Variants in MTR observed in about 807,000 individuals in gnomAD.
The protein encoded by MTR is methionine synthase.
In MTR, 84 loss-of-function variants were observed where a neutral mutation model predicts 154.8. That is an observed-to-expected ratio of 0.54 (90% CI 0.45 to 0.65). The LOEUF (loss-of-function observed/expected upper bound fraction) is 0.65, where lower values mean the gene tolerates loss of function less well. MTR is among the 30% of genes least tolerant of loss of function. The pLI, the probability that MTR is intolerant of heterozygous loss-of-function variation, is 0.00. For missense variants in MTR, 1,275 were observed against 1,570.2 expected (o/e 0.81, Z 3.18); for synonymous variants, 554 against 553.9 (o/e 1.00, Z 0.00).
rs75620945 is a variant in MTR, at chr1:236,828,383, C to G, written c.996-806C>G. The stretch of plus-strand genomic sequence containing the variant: ...ACTATTTCTTTTTGTTTTGTTTCCT[C>G]TTTAAAAAGAGGAGTTGTTTTAAAT... On this transcript the variant is annotated intron_variant, in intron 11 of 32. Transcript: ENST00000366577. Among the ~76,000 whole-genome samples the G allele has an allele frequency of 1.2e-3, 189 of 152,226 alleles. 5 individuals carry two copies. In the East Asian group the frequency reaches 0.033, roughly 27 times the overall value.
At chr1:236,888,961 G>A (rs1167902496) in intron 27 of MTR, among the ~76,000 whole-genome samples, 4 of 152,220 alleles carry the variant, frequency 2.6e-5, no homozygotes, top group Non-Finnish European at 5.9e-5. Context: ...CAAGGGTGGT[G>A]TAGTCAGCTG....
intron 15 of MTR, among the ~76,000 whole-genome samples, chr1:236,842,288 G>A (rs1334182298): frequency 6.6e-6 from 1 of 152,158 alleles, no homozygotes; most frequent in Non-Finnish European, 1.5e-5. Flanking sequence ...GAACTCCCGC[G>A]ATGATGAGCC....
At position 236,826,570 on chromosome 1, in the gene MTR, A is replaced by G. The variant is rs535081664; in HGVS notation, c.928-259A>G. Among the ~76,000 whole-genome samples, 59 of 152,346 alleles carry G rather than the reference A, an allele frequency of 3.9e-4. No homozygotes were observed. The South Asian group carries it at 5.6e-3, about 14-fold the overall frequency. ...CTTTGCCTCCCAAAGTGCTGAGATT[A>G]TAGGTGTGAGCCACCATACCCAGCC... On this transcript the variant is annotated intron_variant, in intron 10 of 32. Transcript: ENST00000366577.
chr1:236,800,590 C>T, intron 1 of MTR: 3 of 693,034 alleles, frequency 4.3e-6, no homozygotes, highest in Non-Finnish European at 5.3e-6. Context: ...CATTTCCCAA[C>T]CTGCAAATAT....
At chr1:236,893,548 G>A (rs1292071485) in intron 29 of MTR, among the ~76,000 whole-genome samples, 1 of 152,192 alleles carries the variant, frequency 6.6e-6, no homozygotes, top group African/African-American at 2.4e-5. Flanking sequence ...AGGTGGTTGA[G>A]AGGGTTAAAT....
intron 22 of MTR, among the ~76,000 whole-genome samples, chr1:236,870,561 G>A (rs1665070229): frequency 6.6e-6 from 1 of 152,136 alleles, no homozygotes; most frequent in African/African-American, 2.4e-5. Flanking sequence ...TGGTGCTGCT[G>A]GTACAGGAGC....
rs1558352078 is a variant in MTR, at chr1:236,898,177, G to T, written c.*533G>T. On this transcript the variant is annotated 3_prime_UTR_variant, in exon 33 of 33. Transcript: ENST00000366577. ...GGAAGACCTCGTTTTCTAAAGGCTGGACTAAATGGCTGCAGAACTCCCTTT... is the reference window on the plus strand; with the variant it reads ...GGAAGACCTCGTTTTCTAAAGGCTGTACTAAATGGCTGCAGAACTCCCTTT... 1 of 156,574 alleles carries T rather than the reference G, an allele frequency of 6.4e-6. No individual in the cohort carries two copies. Among genetic ancestry groups the T allele is most frequent in the African/African-American group, 2.4e-5 (1 of 41,390 alleles). 9.7% of individuals were successfully genotyped at this position (156,574 alleles called of 1,614,324 possible). A position where few individuals can be genotyped will look rare whatever the true frequency, so the allele number is the denominator to read the frequency against.
intron 20 of MTR, among the ~76,000 whole-genome samples, chr1:236,862,009 T>G (rs1244233476): frequency 6.6e-6 from 1 of 152,176 alleles, no homozygotes; most frequent in Non-Finnish European, 1.5e-5. Flanking sequence ...AGACAGAAAT[T>G]GCAACATTTG....
intron 1 of MTR, chr1:236,800,513 C>G: frequency 2.1e-6 from 2 of 973,470 alleles, no homozygotes; most frequent in Non-Finnish European, 2.4e-6. Flanking sequence ...CTCATTCCTC[C>G]TGTGAAATTA....
At chr1:236,848,243 A>C (rs549003709) in intron 15 of MTR, among the ~76,000 whole-genome samples, 15 of 152,228 alleles carry the variant, frequency 9.9e-5, no homozygotes, top group Non-Finnish European at 1.6e-4. Flanking sequence ...GCTGGGCCCT[A>C]CACCCTACTC....
rs754129736 is a variant in MTR at position 236,895,565 on chromosome 1, G to A, written c.3598+15G>A. On this transcript the variant is annotated intron_variant, in intron 31 of 32. Transcript: ENST00000366577. ...GCAGTCTACAGGTAGGAGCCAGGAG[G>A]CTGCGGGTTCCTGTCTTCCTTCTTC... 31 of 1,557,342 alleles carry A rather than the reference G, an allele frequency of 2.0e-5. No homozygotes were observed. The East Asian group carries it at 6.8e-4, about 34-fold the overall frequency.
At chr1:236,801,140 A>G (rs1660680230) in intron 1 of MTR, among the ~76,000 whole-genome samples, 3 of 152,158 alleles carry the variant, frequency 2.0e-5, no homozygotes, top group South Asian at 2.1e-4. Context: ...TCTATTATAC[A>G]TGCTTCATTA....
At chr1:236,817,703 G>T (rs1308630505) in intron 8 of MTR, among the ~76,000 whole-genome samples, 1 of 152,144 alleles carries the variant, frequency 6.6e-6, no homozygotes, top group Non-Finnish European at 1.5e-5. Context: ...TCAATTATGT[G>T]ATGTTCTTTT....
Position 236,894,416 on chromosome 1 carries a change from C to T in MTR, c.3264C>T (p.Pro1088=), listed in dbSNP as rs1333621600. The T allele has an allele frequency of 1.2e-6, 2 of 1,614,114 alleles. No homozygotes were observed. Among genetic ancestry groups the T allele is most frequent in the African/African-American group, 2.7e-5 (2 of 74,946 alleles). The part of the protein sequence containing the change: ...PYYCLSDFIA[P]LHSGIRDYLG... ...ACTGCCTCTCAGACTTCATCGCTCC[C>T]TTGCATTCTGGCATCCGTGACTACC... The change falls in exon 30 of 33, where the codon CCC becomes CCT. Residue 1088 remains proline (P), a synonymous_variant. Coordinates refer to ENST00000366577, the MANE Select transcript of MTR (RefSeq NM_000254.3).
chr1:236,805,354 G>T (rs926556910), intron 2 of MTR, among the ~76,000 whole-genome samples: 1 of 152,080 alleles, frequency 6.6e-6, no homozygotes, highest in Non-Finnish European at 1.5e-5. Context: ...GTGGTCAGAG[G>T]TTGAGATCTC....
chr1:236,803,264 A>T (rs1032667324), intron 1 of MTR, among the ~76,000 whole-genome samples, 164 bp from the exon 2 acceptor site: 5 of 152,190 alleles, frequency 3.3e-5, no homozygotes, highest in Admixed American at 6.5e-5. Context: ...TCACGACTTA[A>T]TGACCTTTTT....
At chr1:236,842,187 G>A (rs557981190) in intron 15 of MTR, among the ~76,000 whole-genome samples, 18 of 152,256 alleles carry the variant, frequency 1.2e-4, no homozygotes, top group South Asian at 8.3e-4. Flanking sequence ...CACCGCGCCC[G>A]GCTGTGCTAT....
At chr1:236,890,792 G>A (rs1050960828) in intron 28 of MTR, among the ~76,000 whole-genome samples, 6 of 152,222 alleles carry the variant, frequency 3.9e-5, no homozygotes, top group African/African-American at 7.2e-5. Flanking sequence ...GTATGTGCAC[G>A]AGGAATGTCA....
chr1:236,820,379 C>A, intron 8 of MTR: 1 of 805,886 alleles, frequency 1.2e-6, no homozygotes, highest in Non-Finnish European at 2.2e-6. Context: ...GCAGATTGGT[C>A]TGAGGCATGC....
Sources: gnomAD v4.1 joint callset for allele counts (sites outside exome capture counted in the v4.1 genomes callset) on GRCh38, gnomAD v4.1.1 for gene constraint, MANE v1.5 for transcripts, NCBI Gene and HGNC (gene_info 2026-07-23, HGNC 2026-07-21) for gene names.